STAB2: variants seen among roughly 807,000 people sequenced by gnomAD.
The protein encoded by STAB2 is stabilin-2.
In STAB2, 288 loss-of-function variants were observed where a neutral mutation model predicts 338.1. The ratio of observed to expected loss-of-function variants is 0.85; its 90% CI spans 0.77 to 0.94. The LOEUF is 0.94. STAB2 is among the 40% of genes least tolerant of loss of function. The probability of loss-of-function intolerance (pLI) is 0.00; values close to 1 mark genes in which losing one functional copy is unlikely to be tolerated. For missense variants in STAB2, 3,141 were observed against 3,210.1 expected, an observed-to-expected ratio of 0.98 and a Z score of 0.52; for synonymous variants, 1,202 against 1,193.3, an observed-to-expected ratio of 1.01 and a Z score of -0.15.
chr12:103,751,683 A>C (rs752268131), intron 60 of STAB2, among the ~76,000 whole-genome samples: 1 of 152,158 alleles, frequency 6.6e-6, no homozygotes, highest in African/African-American at 2.4e-5. Flanking sequence ...AGTCAAGAAG[A>C]GCTTGGCTTT....
At position 103,732,991 on chromosome 12, in the gene STAB2, A is replaced by G. The variant is rs1429405825; in HGVS notation, c.5284-15A>G. ...CTTGCTCAAGCCAGCAAGGGGCTGA[A>G]TCCCTGTGTTTCAGGACTCAGGTTT... On this transcript the variant is annotated splice_polypyrimidine_tract_variant and intron_variant, in intron 50 of 68. Coordinates refer to ENST00000388887, the MANE Select transcript of STAB2 (RefSeq NM_017564.10). 1.2e-6 allele frequency: 2 copies of G among 1,612,512 alleles called. No individual in the cohort carries two copies. Among genetic ancestry groups the G allele is most frequent in the African/African-American group, 2.7e-5 (2 of 74,790 alleles).
intron 9 of STAB2, among the ~76,000 whole-genome samples, chr12:103,647,897 T>C (rs1873451840): frequency 6.6e-6 from 1 of 152,252 alleles, no homozygotes; most frequent in African/African-American, 2.4e-5. Context: ...TTTCATTGTT[T>C]ATATACTTCA....
At chr12:103,702,215 A>C (rs943518880) in intron 34 of STAB2, among the ~76,000 whole-genome samples, 11 of 151,846 alleles carry the variant, frequency 7.2e-5, no homozygotes, top group African/African-American at 2.7e-4. Flanking sequence ...TACAGACTTC[A>C]TACCCATGCC....
intron 58 of STAB2, among the ~76,000 whole-genome samples, chr12:103,747,306 A>G (rs964936886): frequency 6.6e-6 from 1 of 152,198 alleles, no homozygotes; most frequent in Admixed American, 6.5e-5. Context: ...AGAGGCCCAA[A>G]TGAACAGTGG....
intron 52 of STAB2, 25 bp downstream of exon 52, chr12:103,735,605 C>T: frequency 9.3e-7 from 1 of 1,080,236 alleles, no homozygotes. Flanking sequence ...GAAGGGTGGG[C>T]AGGGAGGGGT....
chr12:103,609,395 T>C (rs2138591032), intron 3 of STAB2, among the ~76,000 whole-genome samples: 2 of 152,314 alleles, frequency 1.3e-5, no homozygotes, highest in Middle Eastern at 6.8e-3. Context: ...CTTGAAGAGG[T>C]CCTTCACATC....
At chr12:103,587,655 C>CTGGACTTTATAAAATACAGAGAA in intron 1 of STAB2, 98 bp downstream of exon 1, 1 of 947,364 alleles carries the variant, frequency 1.1e-6, no homozygotes. Context: ...AGGGTGAAAT[C>CTGGACTTTATAAAATACAGAGAA]TGGACTTTAT....
intron 37 of STAB2, among the ~76,000 whole-genome samples, chr12:103,706,575 A>G (rs1240999495): frequency 1.3e-5 from 2 of 150,118 alleles, no homozygotes; most frequent in Non-Finnish European, 3.0e-5. Flanking sequence ...CCTCTTTCCT[A>G]CCTCCTTAGT....
intron 44 of STAB2, among the ~76,000 whole-genome samples, chr12:103,721,758 G>C (rs1036860639): frequency 6.6e-6 from 1 of 152,196 alleles, no homozygotes; most frequent in African/African-American, 2.4e-5. Flanking sequence ...GGGGCACTGA[G>C]GCAGGAAGTT....
Position 103,703,080 on chromosome 12 carries a change from C to T in STAB2, c.3715-68C>T, listed in dbSNP as rs144421915. 1.8e-5 allele frequency: 28 copies of T among 1,545,432 alleles called. No individual in the cohort carries two copies. The African/African-American group carries it at 3.9e-4, about 21-fold the overall frequency. ...TAGGCAATTGTCCTATTGCTAACCTCCACTTCCTATCTTTTCCATATCTCT... is the reference window on the plus strand; with the variant it reads ...TAGGCAATTGTCCTATTGCTAACCTTCACTTCCTATCTTTTCCATATCTCT... On this transcript the variant is annotated intron_variant, in intron 34 of 68. Coordinates refer to ENST00000388887, the MANE Select transcript of STAB2 (RefSeq NM_017564.10).
In STAB2 at chr12:103,737,748, C is replaced by T. The variant is rs750977544; in HGVS notation, c.5665C>T (p.Arg1889Cys). Residue 1889 changes from arginine to cysteine, a missense_variant, in exon 53 of 69, where the codon CGC becomes TGC. Coordinates refer to ENST00000388887, the MANE Select transcript of STAB2 (RefSeq NM_017564.10). Reference sequence around the variant, plus strand: ...GCTGATTGATCCCACCCTGGGGGGCCGCTGTGACACCTTTACTACTTTCGA... The same window carrying T: ...GCTGATTGATCCCACCCTGGGGGGCTGCTGTGACACCTTTACTACTTTCGA... ...CLLIDPTLGG[R>C]CDTFTTFDAS... 1.5e-5 allele frequency: 25 copies of T among 1,613,826 alleles called. No homozygotes were observed. In the East Asian group the frequency reaches 2.5e-4, roughly 16 times the overall value.
intron 18 of STAB2, among the ~76,000 whole-genome samples, chr12:103,664,022 T>C (rs1874852826): frequency 6.6e-6 from 1 of 152,196 alleles, no homozygotes; most frequent in Admixed American, 6.5e-5. Context: ...CTTTCTGCAG[T>C]ACTTTTCAAA....
chr12:103,711,628 G>T, intron 40 of STAB2, 112 bp downstream of exon 40: 1 of 1,264,584 alleles, frequency 7.9e-7, no homozygotes, highest in Non-Finnish European at 1.1e-6. Context: ...ATTTCTGAGG[G>T]CTTAGGATAA....
chr12:103,613,387 C>T (rs868764714), intron 3 of STAB2, among the ~76,000 whole-genome samples: 7 of 152,160 alleles, frequency 4.6e-5, no homozygotes, highest in Non-Finnish European at 7.3e-5. Context: ...TCAGGAATGG[C>T]GGGAGCCTCT....
intron 3 of STAB2, among the ~76,000 whole-genome samples, chr12:103,611,727 T>C (rs1157879968): frequency 6.6e-6 from 1 of 152,190 alleles, no homozygotes; most frequent in Non-Finnish European, 1.5e-5. Context: ...GATCCTGTCA[T>C]TATGATGTTA....
intron 1 of STAB2, among the ~76,000 whole-genome samples, chr12:103,588,537 T>C (rs1385223890): frequency 6.6e-6 from 1 of 152,164 alleles, no homozygotes; most frequent in Non-Finnish European, 1.5e-5. Context: ...TATCACCAAG[T>C]GTTTGCATTC....
chr12:103,616,329 T>C (rs551210164), intron 3 of STAB2, among the ~76,000 whole-genome samples: 2 of 152,230 alleles, frequency 1.3e-5, no homozygotes, highest in South Asian at 2.1e-4. Context: ...AAGTCAAATC[T>C]GCCTCAGAGG....
chr12:103,613,474 G>A (rs1445473514), intron 3 of STAB2, among the ~76,000 whole-genome samples: 2 of 152,184 alleles, frequency 1.3e-5, no homozygotes, highest in Non-Finnish European at 2.9e-5. Flanking sequence ...GTGGACGTAG[G>A]ACCCTCCAAG....
intron 31 of STAB2, among the ~76,000 whole-genome samples, chr12:103,693,561 C>T (rs1354606279): frequency 6.6e-6 from 1 of 152,118 alleles, no homozygotes; most frequent in Non-Finnish European, 1.5e-5. Context: ...TTCCACTCTC[C>T]TATCTGCATT....
Sources: allele counts gnomAD v4.1 joint callset (sites outside exome capture counted in the v4.1 genomes callset), GRCh38; gene constraint gnomAD v4.1.1; transcripts MANE v1.5; gene names NCBI Gene and HGNC (gene_info 2026-07-23, HGNC 2026-07-21).